The following GINM1 variants were observed in gnomAD, a reference collection of about 807,000 sequenced individuals.
The protein encoded by GINM1 is glycoprotein integral membrane protein 1.
A neutral mutation model predicts 37.8 loss-of-function variants in GINM1; 29 were observed. The ratio of observed to expected loss-of-function variants is 0.77; its 90% CI spans 0.57 to 1.05. The LOEUF is 1.05. GINM1 is among the 50% of genes least tolerant of loss of function. The pLI, the probability that GINM1 is intolerant of heterozygous loss-of-function variation, is 0.00. For missense variants in GINM1, 377 were observed against 397.9 expected (o/e 0.95, Z 0.45); for synonymous variants, 143 against 146.2 (o/e 0.98, Z 0.16).
At position 149,578,894 on chromosome 6, in the gene GINM1, A is replaced by G. The variant is rs1421397494; in HGVS notation, c.350A>G (p.His117Arg). The change falls in exon 4 of 8, where the codon CAT becomes CGT. Residue 117 changes from histidine (H) to arginine (R), a missense_variant. Transcript: ENST00000367419. Reference sequence around the variant, plus strand: ...ATTGTCAGTGTAAGGATTTTAGTTCATGAGTGGCCTATGACATCTGGTTCC... The same window carrying G: ...ATTGTCAGTGTAAGGATTTTAGTTCGTGAGTGGCCTATGACATCTGGTTCC... Reference protein sequence around the residue: ...FGIVSVRILVHEWPMTSGSSL... With the variant: ...FGIVSVRILVREWPMTSGSSL... The G allele has an allele frequency of 6.2e-7, 1 of 1,602,702 alleles. No individual in the cohort carries two copies. The highest frequency in any genetic ancestry group is 1.7e-5 in the Admixed American group (1 of 59,796).
At chr6:149,577,038 G>C (rs1273474480) in intron 3 of GINM1, among the ~76,000 whole-genome samples, 1 of 152,208 alleles carries the variant, frequency 6.6e-6, no homozygotes, top group African/African-American at 2.4e-5. Context: ...GAGAGCAAGA[G>C]TGGCAGTGGG....
At chr6:149,586,878 A>G (rs1778078528) in intron 7 of GINM1, among the ~76,000 whole-genome samples, 1 of 152,080 alleles carries the variant, frequency 6.6e-6, no homozygotes, top group African/African-American at 2.4e-5. Flanking sequence ...CAATCTCCCA[A>G]GACTCAAGTG....
At position 149,572,196 on chromosome 6, in the gene GINM1, T is replaced by C. The variant is rs554691536; in HGVS notation, c.121-89T>C. The C allele has an allele frequency of 5.6e-6, 4 of 715,226 alleles. No individual in the cohort carries two copies. In the East Asian group the frequency reaches 1.0e-4, roughly 18 times the overall value. The allele number at this position is 715,226 out of a possible 1,614,324, so 44.3% of individuals were successfully genotyped here. A position where few individuals can be genotyped will look rare whatever the true frequency, so the allele number is the denominator to read the frequency against. On this transcript the variant is annotated intron_variant, in intron 1 of 7. Transcript: ENST00000367419. ...AATGCTGTTATAAGTGATTGTACAATAGATACAATTGGAGGGAAAAGAGAA... is the reference window on the plus strand; with the variant it reads ...AATGCTGTTATAAGTGATTGTACAACAGATACAATTGGAGGGAAAAGAGAA...
chr6:149,569,328 G>A (rs565070733), intron 1 of GINM1, among the ~76,000 whole-genome samples: 2 of 140,926 alleles, frequency 1.4e-5, no homozygotes, highest in Non-Finnish European at 3.0e-5. Flanking sequence ...GAGCCACTGC[G>A]CCCGGTCACT....
At chr6:149,574,137 T>G (rs913417705) in intron 3 of GINM1, among the ~76,000 whole-genome samples, 3 of 141,948 alleles carry the variant, frequency 2.1e-5, no homozygotes, top group Non-Finnish European at 3.1e-5. Context: ...TGCAACCTCC[T>G]CCTCCTGGGT....
rs907798204 is a variant in GINM1, at chr6:149,591,559, CTTAT to C, written c.*724_*727del. The C allele has an allele frequency of 6.6e-6, 1 of 152,016 alleles. No homozygotes were observed. Among genetic ancestry groups the C allele is most frequent in the African/African-American group, 2.4e-5 (1 of 41,382 alleles). 9.4% of individuals were successfully genotyped at this position (152,016 alleles called of 1,614,324 possible). ...AATTTAAAAGGTCAAGAACTTAACA[CTTAT>C]TTTTTTATTCAGTACAGTGTGCCTT... On this transcript the variant is annotated 3_prime_UTR_variant, in exon 8 of 8. Transcript: ENST00000367419.
Position 149,579,046 on chromosome 6 carries a change from GTTATT to G in GINM1, c.429+80_429+84del, listed in dbSNP as rs1191908689. On this transcript the variant is annotated intron_variant, in intron 4 of 7. Transcript: ENST00000367419. Reference sequence around the variant, plus strand: ...GTGCTAGATATTATGCATGTGTTCAGTTATTTTATTTGTTTCCGACTTGATAAGGA... The same window carrying G: ...GTGCTAGATATTATGCATGTGTTCAGTTATTTGTTTCCGACTTGATAAGGA... The G allele has an allele frequency of 1.3e-5, 12 of 933,090 alleles. No homozygotes were observed. In the East Asian group the frequency reaches 1.4e-4, roughly 11 times the overall value. 57.8% of individuals were successfully genotyped at this position (933,090 alleles called of 1,614,324 possible). A position where few individuals can be genotyped will look rare whatever the true frequency, so the allele number is the denominator to read the frequency against.
At chr6:149,575,509 T>C (rs1777900929) in intron 3 of GINM1, among the ~76,000 whole-genome samples, 1 of 152,210 alleles carries the variant, frequency 6.6e-6, no homozygotes, top group Non-Finnish European at 1.5e-5. Flanking sequence ...CCTCTCCACC[T>C]GTTCTGTCTG....
At chr6:149,571,821 G>A (rs576638386) in intron 1 of GINM1, among the ~76,000 whole-genome samples, 3 of 152,172 alleles carry the variant, frequency 2.0e-5, no homozygotes, top group East Asian at 1.9e-4. Context: ...GGTGACTCAC[G>A]CCTGTAATTC....
intron 5 of GINM1, among the ~76,000 whole-genome samples, 157 bp from the exon 6 acceptor site, chr6:149,580,436 T>C (rs1318160225): frequency 6.6e-6 from 1 of 152,254 alleles, no homozygotes. Context: ...ATAGTTCTCT[T>C]CTGACATTTA....
intron 3 of GINM1, among the ~76,000 whole-genome samples, chr6:149,574,257 G>A (rs1290865131): frequency 6.6e-6 from 1 of 151,986 alleles, no homozygotes; most frequent in Non-Finnish European, 1.5e-5. Flanking sequence ...CACCATATTG[G>A]TCAAGGCCGG....
At chr6:149,583,236 G>A (rs552096569) in intron 7 of GINM1, among the ~76,000 whole-genome samples, 44 of 152,106 alleles carry the variant, frequency 2.9e-4, no homozygotes, top group African/African-American at 1.1e-3. Context: ...AGGCCGAGGC[G>A]GGCAGATCAC....
intron 1 of GINM1, among the ~76,000 whole-genome samples, chr6:149,571,690 C>T (rs758166712): frequency 6.6e-6 from 1 of 151,920 alleles, no homozygotes; most frequent in Non-Finnish European, 1.5e-5. Flanking sequence ...ATATTTTATC[C>T]TCGGTGGTAC....
Position 149,582,546 on chromosome 6 carries a change from C to A in GINM1, c.824C>A (p.Thr275Lys). The A allele has an allele frequency of 6.2e-7, 1 of 1,612,036 alleles. No individual in the cohort carries two copies. Among genetic ancestry groups the A allele is most frequent in the Non-Finnish European group, 8.5e-7 (1 of 1,179,280 alleles). ...TTGAACATCATGGTGGTTGGAATTA[C>A]AGGAGCAGCTGTGGTAATAACCATC... ...QFLNIMVVGI[T>K]GAAVVITILK... The change falls in exon 7 of 8, where the codon ACA becomes AAA. Residue 275 changes from threonine to lysine, a missense_variant. Transcript: ENST00000367419.
chr6:149,588,836 C>T (rs539644918), intron 7 of GINM1, among the ~76,000 whole-genome samples: 1 of 152,056 alleles, frequency 6.6e-6, no homozygotes, highest in South Asian at 2.1e-4. Flanking sequence ...CACAGTCTTG[C>T]TCTGTTGCCC....
intron 1 of GINM1, 121 bp from the exon 2 acceptor site, chr6:149,572,164 C>T: frequency 4.3e-6 from 2 of 465,358 alleles, no homozygotes; most frequent in Non-Finnish European, 3.9e-6. Context: ...ATCTTTTAAA[C>T]TCTCTTAATG....
chr6:149,569,531 G>T (rs1282693768), intron 1 of GINM1, among the ~76,000 whole-genome samples: 1 of 148,876 alleles, frequency 6.7e-6, no homozygotes, highest in Non-Finnish European at 1.5e-5. Flanking sequence ...TAGAGACGGG[G>T]TTTCACCATG....
chr6:149,578,817 T>G lies in GINM1; in HGVS notation c.278-5T>G. ...TCAAAGGTGTCACTACTTTTTTTTT[T>G]ATAGTGAAGAATGAAAATCTTGAAA... On this transcript the variant is annotated splice_polypyrimidine_tract_variant and splice_region_variant and intron_variant, in intron 3 of 7. Transcript: ENST00000367419. 1 of 1,547,062 alleles carries G rather than the reference T, an allele frequency of 6.5e-7. No homozygotes were observed. Among genetic ancestry groups the G allele is most frequent in the Non-Finnish European group, 8.8e-7 (1 of 1,132,896 alleles).
At chr6:149,574,110 G>A (rs1007956073) in intron 3 of GINM1, among the ~76,000 whole-genome samples, 7 of 149,068 alleles carry the variant, frequency 4.7e-5, no homozygotes, top group Non-Finnish European at 1.0e-4. Context: ...GAATGCAGTG[G>A]CGCGATCTCG....
Sources: gnomAD v4.1 joint callset for allele counts (sites outside exome capture counted in the v4.1 genomes callset) on GRCh38, gnomAD v4.1.1 for gene constraint, MANE v1.5 for transcripts, NCBI Gene and HGNC (gene_info 2026-07-23, HGNC 2026-07-21) for gene names.